The following USP7 variants were observed in gnomAD, a reference collection of about 807,000 sequenced individuals.
USP7 encodes ubiquitin C-terminal hydrolase 7.
Under a neutral mutation model 162.9 loss-of-function variants are expected in USP7, and 9 were observed. The observed-to-expected ratio is 0.06, with a 90% CI of 0.03 to 0.10. The LOEUF (loss-of-function observed/expected upper bound fraction) is 0.10, where lower values mean the gene tolerates loss of function less well. USP7 is among the 10% of genes least tolerant of loss of function. The pLI is 1.00. For missense variants in USP7, 715 were observed against 1,373.7 expected, an observed-to-expected ratio of 0.52 and a Z score of 7.58; for synonymous variants, 562 against 475.9, an observed-to-expected ratio of 1.18 and a Z score of -2.35.
chr16:8,948,854 C>T (rs984206046), intron 1 of USP7, among the ~76,000 whole-genome samples: 1 of 152,104 alleles, frequency 6.6e-6, no homozygotes, highest in Non-Finnish European at 1.5e-5. Flanking sequence ...GTTCCAGCTA[C>T]TCGGGAGGCT....
In USP7 at chr16:8,908,332, A is replaced by G. The variant is rs1473880881; in HGVS notation, c.1271+9T>C. Reference sequence around the variant, plus strand: ...TGAAATCTTAACTTTATATCCCACTATAGATTACCTATCATTGATCTTGAT... The same window carrying G: ...TGAAATCTTAACTTTATATCCCACTGTAGATTACCTATCATTGATCTTGAT... On this transcript the variant is annotated intron_variant, in intron 12 of 30. Transcript: ENST00000344836. 3 of 1,603,602 alleles carry G rather than the reference A, an allele frequency of 1.9e-6. No individual in the cohort carries two copies. Among genetic ancestry groups the G allele is most frequent in the Non-Finnish European group, 2.6e-6 (3 of 1,170,832 alleles).
chr16:8,944,628 G>C (rs550334986), intron 1 of USP7, among the ~76,000 whole-genome samples: 1 of 152,162 alleles, frequency 6.6e-6, no homozygotes. Context: ...AGCACAGAAA[G>C]AAAACTATTT....
intron 6 of USP7, among the ~76,000 whole-genome samples, chr16:8,918,523 G>T (rs1388596795): frequency 6.6e-6 from 1 of 152,086 alleles, no homozygotes; most frequent in African/African-American, 2.4e-5. Flanking sequence ...GCAAAATTAG[G>T]TCATGGCTGG....
intron 1 of USP7, among the ~76,000 whole-genome samples, chr16:8,961,809 G>A (rs955300102): frequency 6.6e-6 from 1 of 152,174 alleles, no homozygotes; most frequent in African/African-American, 2.4e-5. Flanking sequence ...CTTCTTTTCA[G>A]CTATTTGGTT....
Position 8,894,536 on chromosome 16 carries a change from G to GT in USP7, c.3202+13_3202+14insA, listed in dbSNP as rs748239932. The GT allele has an allele frequency of 3.5e-5, 56 of 1,610,502 alleles. No individual in the cohort carries two copies. The East Asian group carries it at 4.5e-4, about 13-fold the overall frequency. On this transcript the variant is annotated intron_variant, in intron 30 of 30. Transcript: ENST00000344836. ...GAAACCCACACCAGCCCCCGGGGGG[G>GT]GGAGAACCCTTACCGGGCTGTGGCT...
intron 10 of USP7, among the ~76,000 whole-genome samples, chr16:8,913,641 C>G (rs1016715940): frequency 6.6e-6 from 1 of 152,014 alleles, no homozygotes; most frequent in Non-Finnish European, 1.5e-5. Context: ...TCAGCCGACC[C>G]GCACTAAATG....
At chr16:8,901,100 T>C (rs1180140898) in intron 19 of USP7, 42 bp downstream of exon 19, 1 of 1,613,446 alleles carries the variant, frequency 6.2e-7, no homozygotes, top group African/African-American at 1.3e-5. Flanking sequence ...TGTAATGTAC[T>C]GAGCAAAATC....
chr16:8,929,029 C>A (rs1898171836), intron 2 of USP7, among the ~76,000 whole-genome samples: 1 of 147,920 alleles, frequency 6.8e-6, no homozygotes, highest in South Asian at 2.1e-4. Flanking sequence ...TATGTCTCCT[C>A]CCAAGACCTC....
At chr16:8,905,361 G>T in intron 13 of USP7, 30 bp from the exon 14 acceptor site, 1 of 1,607,650 alleles carries the variant, frequency 6.2e-7, no homozygotes, top group Non-Finnish European at 8.5e-7. Flanking sequence ...CACCAGCAGC[G>T]ATCAAGCACT....
intron 25 of USP7, among the ~76,000 whole-genome samples, chr16:8,897,851 A>G (rs1487978848): frequency 2.7e-5 from 4 of 149,012 alleles, no homozygotes; most frequent in Admixed American, 6.7e-5. Flanking sequence ...GTGGGCTGTG[A>G]TGGTGCCACT....
At chr16:8,911,543 G>A (rs929257243) in intron 10 of USP7, among the ~76,000 whole-genome samples, 1 of 152,202 alleles carries the variant, frequency 6.6e-6, no homozygotes, top group South Asian at 2.1e-4. Flanking sequence ...TGAAAACAGC[G>A]CTGTCACGCT....
chr16:8,932,194 A>G (rs1175870212), intron 1 of USP7, among the ~76,000 whole-genome samples: 1 of 152,236 alleles, frequency 6.6e-6, no homozygotes, highest in East Asian at 1.9e-4. Context: ...AACAGGTATT[A>G]CCACTCAGAC....
chr16:8,896,348 A>G (rs1290555096), intron 26 of USP7, among the ~76,000 whole-genome samples: 1 of 152,136 alleles, frequency 6.6e-6, no homozygotes, highest in Non-Finnish European at 1.5e-5. Context: ...TTCAGCTGAT[A>G]GTGGCGTTTT....
At chr16:8,931,902 C>T (rs1898368563) in intron 1 of USP7, among the ~76,000 whole-genome samples, 2 of 152,202 alleles carry the variant, frequency 1.3e-5, no homozygotes, top group South Asian at 4.1e-4. Context: ...CCCTGGTGCA[C>T]TGGACACCAA....
At chr16:8,918,949 TTTG>T in intron 6 of USP7, 79 bp downstream of exon 6, 1 of 1,398,638 alleles carries the variant, frequency 7.1e-7, no homozygotes, top group Non-Finnish European at 1.0e-6. Context: ...AGACGCCATG[TTTG>T]TTGAGAGGAC....
intron 1 of USP7, 129 bp downstream of exon 1, chr16:8,963,078 C>G: frequency 2.4e-6 from 2 of 841,818 alleles, no homozygotes; most frequent in East Asian, 1.1e-4. Flanking sequence ...GCCGGGAGGC[C>G]AGGCCGAGGC....
chr16:8,918,828 G>A lies in USP7; in HGVS notation c.720+203C>T, dbSNP rs369524653. 2.7e-4 allele frequency among the ~76,000 whole-genome samples: 41 copies of A among 152,182 alleles called. No homozygotes were observed. In the South Asian group the frequency reaches 6.7e-3, roughly 25 times the overall value. On this transcript the variant is annotated intron_variant, in intron 6 of 30. Coordinates refer to ENST00000344836, the MANE Select transcript of USP7 (RefSeq NM_003470.3). ...CATCTCAATAAAGAAAAAGGTTGGC[G>A]GTGGTAACTCTGAATCACTGAGGCA... is the stretch of plus-strand genomic sequence containing the variant.
At chr16:8,910,592 C>A (rs532241059) in intron 11 of USP7, among the ~76,000 whole-genome samples, 153 bp downstream of exon 11, 2 of 152,248 alleles carry the variant, frequency 1.3e-5, no homozygotes, top group South Asian at 4.1e-4. Context: ...CCCTCTCCCT[C>A]CCCATTCAAT....
chr16:8,916,208 G>C (rs1183119140), intron 8 of USP7, among the ~76,000 whole-genome samples: 1 of 152,148 alleles, frequency 6.6e-6, no homozygotes, highest in Non-Finnish European at 1.5e-5. Flanking sequence ...AACAAAGCCA[G>C]TCTTTGGTTT....
Sources: allele counts gnomAD v4.1 joint callset (sites outside exome capture counted in the v4.1 genomes callset), GRCh38; gene constraint gnomAD v4.1.1; transcripts MANE v1.5; gene names NCBI Gene and HGNC (gene_info 2026-07-23, HGNC 2026-07-21).